TNIP1: variants seen among roughly 807,000 people sequenced by gnomAD.
TNIP1 encodes the protein TNFAIP3-interacting protein 1.
Under a neutral mutation model 86.6 loss-of-function variants are expected in TNIP1, and 22 were observed. The ratio of observed to expected loss-of-function variants is 0.25; its 90% confidence interval spans 0.18 to 0.36. TNIP1 has a LOEUF of 0.36. Ranked by LOEUF, TNIP1 falls within the 10% of genes least tolerant of loss-of-function variation. The probability of loss-of-function intolerance (pLI) is 1.00; values close to 1 mark genes in which losing one functional copy is unlikely to be tolerated. For missense variants in TNIP1, 709 were observed against 820.6 expected (o/e 0.86, Z 1.66); for synonymous variants, 294 against 313.0 (o/e 0.94, Z 0.64).
intron 12 of TNIP1, among the ~76,000 whole-genome samples, chr5:151,038,633 T>A (rs529803129): frequency 6.6e-6 from 1 of 152,298 alleles, no homozygotes; most frequent in African/African-American, 2.4e-5. Context: ...ATGTGCTTGA[T>A]GCCAGGCGCT....
chr5:151,075,380 G>A (rs910772614), intron 1 of TNIP1, among the ~76,000 whole-genome samples: 1 of 151,950 alleles, frequency 6.6e-6, no homozygotes, highest in Non-Finnish European at 1.5e-5. Context: ...TTAGATTCGG[G>A]GGGTACATGT....
At chr5:151,071,370 G>C (rs1762809361) in intron 1 of TNIP1, among the ~76,000 whole-genome samples, 1 of 152,092 alleles carries the variant, frequency 6.6e-6, no homozygotes, top group Non-Finnish European at 1.5e-5. Context: ...AGGTACACTA[G>C]GGCGAACATC....
rs367928905 is a variant in TNIP1, at chr5:151,065,072, C to T, written c.24G>A (p.Arg8=). 4.5e-5 allele frequency: 73 copies of T among 1,613,906 alleles called. No homozygotes were observed. The highest frequency in any genetic ancestry group is 5.8e-5 in the Non-Finnish European group (68 of 1,180,044). Residue 8 remains arginine (R), a synonymous_variant, in exon 2 of 18, where the codon CGG becomes CGA. Coordinates refer to ENST00000521591, the MANE Select transcript of TNIP1 (RefSeq NM_006058.5). ...GCACGCTGCCCCCAGGGTCGTAGAT[C>T]CGGTACGGTCCTCTCCCTTCCATGA... MEGRGPY[R]IYDPGGSVPS... is the part of the protein sequence containing the mutation.
upstream of TNIP1, among the ~76,000 whole-genome samples, chr5:151,083,976 A>G (rs1348849136): frequency 1.3e-5 from 2 of 152,228 alleles, no homozygotes; most frequent in Non-Finnish European, 1.5e-5. Flanking sequence ...CACAGATGAA[A>G]CTGAAGCTTT....
chr5:151,032,932 C>G (rs1757092866), intron 16 of TNIP1: 1 of 155,114 alleles, frequency 6.4e-6, no homozygotes, highest in African/African-American at 2.4e-5. Context: ...TCAAGACCAG[C>G]CTGGCCAATA....
At chr5:151,076,632 A>T (rs1357851051) in intron 1 of TNIP1, among the ~76,000 whole-genome samples, 1 of 152,184 alleles carries the variant, frequency 6.6e-6, no homozygotes, top group East Asian at 1.9e-4. Flanking sequence ...GCACTCTCTT[A>T]CCACACCATG....
At chr5:151,063,009 C>A (rs917235957) in intron 3 of TNIP1, among the ~76,000 whole-genome samples, 1 of 152,222 alleles carries the variant, frequency 6.6e-6, no homozygotes, top group African/African-American at 2.4e-5. Flanking sequence ...TGGAGACATG[C>A]CAGAGTAATG....
intron 5 of TNIP1, among the ~76,000 whole-genome samples, chr5:151,058,519 C>T (rs974311179): frequency 1.3e-5 from 2 of 152,232 alleles, no homozygotes; most frequent in African/African-American, 4.8e-5. Flanking sequence ...TAAGGCCCTA[C>T]AGCCGCAGGT....
At chr5:151,042,714 G>T in intron 10 of TNIP1, 43 bp from the exon 11 acceptor site, 2 of 1,611,036 alleles carry the variant, frequency 1.2e-6, no homozygotes, top group Non-Finnish European at 8.5e-7. Context: ...CAAGGATGTA[G>T]AGCACTTGCA....
chr5:151,031,643 C>T (rs1173549382), intron 17 of TNIP1, among the ~76,000 whole-genome samples: 1 of 152,222 alleles, frequency 6.6e-6, no homozygotes, highest in Non-Finnish European at 1.5e-5. Context: ...GCTCCGCAGG[C>T]CTGCACGGTC....
chr5:151,072,724 C>T (rs1469690832), intron 1 of TNIP1, among the ~76,000 whole-genome samples: 4 of 152,206 alleles, frequency 2.6e-5, no homozygotes, highest in Non-Finnish European at 5.9e-5. Flanking sequence ...GGTTCTAGCA[C>T]TGGACCCAAC....
chr5:151,048,609 T>G (rs1759489405), intron 8 of TNIP1, among the ~76,000 whole-genome samples: 1 of 152,090 alleles, frequency 6.6e-6, no homozygotes, highest in Admixed American at 6.6e-5. Flanking sequence ...AGGAAGAGCA[T>G]CTGGCTCGGG....
At chr5:151,072,527 G>C (rs1168549325) in intron 1 of TNIP1, among the ~76,000 whole-genome samples, 1 of 152,226 alleles carries the variant, frequency 6.6e-6, no homozygotes, top group Non-Finnish European at 1.5e-5. Flanking sequence ...GCTGCTCCCA[G>C]TTCTGTTTCC....
At chr5:151,061,358 C>T (rs749310725) in intron 4 of TNIP1, among the ~76,000 whole-genome samples, 1 of 152,152 alleles carries the variant, frequency 6.6e-6, no homozygotes, top group Non-Finnish European at 1.5e-5. Flanking sequence ...ACATTTTCCC[C>T]ATTACCCGTG....
At chr5:151,059,866 TGC>T (rs72220408) in intron 5 of TNIP1, among the ~76,000 whole-genome samples, 14,750 of 80,622 alleles carry the variant, frequency 0.18, 1,403 homozygotes, top group Non-Finnish European at 0.21. Context: ...TGTGTGTGTG[TGC>T]GCGCGCGCGC....
At position 151,053,137 on chromosome 5, in the gene TNIP1, T is replaced by C. The variant is rs576165261; in HGVS notation, c.628-878A>G. On this transcript the variant is annotated intron_variant, in intron 6 of 17. Transcript: ENST00000521591. ...TTTTTTTTTTTTTTTTAAGACAGAGTCTCACTCTGTTGCCCAGGCTGGACT... is the reference window on the plus strand; with the variant it reads ...TTTTTTTTTTTTTTTTAAGACAGAGCCTCACTCTGTTGCCCAGGCTGGACT... Among the ~76,000 whole-genome samples, 54 of 125,166 alleles carry C rather than the reference T, an allele frequency of 4.3e-4. No homozygotes were observed. In the East Asian group the frequency reaches 0.011, roughly 26 times the overall value. 82.1% of individuals were successfully genotyped at this position (125,166 alleles called of 152,430 possible).
At chr5:151,067,220 A>G (rs1487735985) in intron 1 of TNIP1, among the ~76,000 whole-genome samples, 1 of 152,224 alleles carries the variant, frequency 6.6e-6, no homozygotes, top group African/African-American at 2.4e-5. Flanking sequence ...ACTAAGAAAC[A>G]GTGTGGGGGC....
At chr5:151,073,819 G>C (rs1408147225) in intron 1 of TNIP1, among the ~76,000 whole-genome samples, 1 of 152,120 alleles carries the variant, frequency 6.6e-6, no homozygotes, top group Non-Finnish European at 1.5e-5. Context: ...AGGATCACTT[G>C]AGCCCAGCAG....
In TNIP1 at chr5:151,032,144, T is replaced by G. The variant is rs1220451745; in HGVS notation, c.1876+143A>C. The G allele has an allele frequency of 7.5e-6, 5 of 662,922 alleles. No homozygotes were observed. The East Asian group carries it at 1.4e-4, about 18-fold the overall frequency. The allele number at this position is 662,922 out of a possible 1,614,324, so 41.1% of individuals were successfully genotyped here. Reference sequence around the variant, plus strand: ...CCTCACTCTGTGGTTGCCATTACTCTCCATTCAACACTGTTTTGGAAAGCT... The same window carrying G: ...CCTCACTCTGTGGTTGCCATTACTCGCCATTCAACACTGTTTTGGAAAGCT... On this transcript the variant is annotated intron_variant, in intron 17 of 17. Transcript: ENST00000521591.
Sources: allele counts gnomAD v4.1 joint callset (sites outside exome capture counted in the v4.1 genomes callset), GRCh38; gene constraint gnomAD v4.1.1; transcripts MANE v1.5; gene names NCBI Gene and HGNC (gene_info 2026-07-23, HGNC 2026-07-21).